Variants in STXBP6 observed in about 807,000 individuals in gnomAD.
The protein encoded by STXBP6 is syntaxin binding protein 6, also known as syntaxin-binding protein 6.
In STXBP6, 21 loss-of-function variants were observed where a neutral mutation model predicts 26.9. The ratio of observed to expected loss-of-function variants is 0.78; its 90% confidence interval spans 0.55 to 1.12. STXBP6 has a LOEUF of 1.12. Ranked by LOEUF, STXBP6 falls within the 50% of genes most tolerant of loss-of-function variation. STXBP6 has a pLI of 0.00. For synonymous variants in STXBP6, 97 were observed against 92.6 expected, an observed-to-expected ratio of 1.05 and a Z score of -0.27; for missense variants, 232 against 257.9, an observed-to-expected ratio of 0.90 and a Z score of 0.69.
In STXBP6 at chr14:24,988,472, T is replaced by C. The variant is rs575165165; in HGVS notation, c.-32-13622A>G. Among the ~76,000 whole-genome samples, 3 of 152,308 alleles carry C rather than the reference T, an allele frequency of 2.0e-5. No homozygotes were observed. In the South Asian group the frequency reaches 6.2e-4, roughly 32 times the overall value. On this transcript the variant is annotated intron_variant, in intron 1 of 5. Coordinates refer to ENST00000323944, the MANE Select transcript of STXBP6 (RefSeq NM_001394410.1). Reference sequence around the variant, plus strand: ...GAAGGGGCAAGTACAGTTTAATCTTTCAGAGGCTGGTGATCAGGAGATACT... The same window carrying C: ...GAAGGGGCAAGTACAGTTTAATCTTCCAGAGGCTGGTGATCAGGAGATACT...
intron 2 of STXBP6, among the ~76,000 whole-genome samples, chr14:24,883,701 G>A (rs961908188): frequency 6.6e-6 from 1 of 151,906 alleles, no homozygotes; most frequent in Non-Finnish European, 1.5e-5. Context: ...TGGAATCACT[G>A]GGCTGGAATT....
chr14:24,968,225 A>G (rs59957224), intron 2 of STXBP6, among the ~76,000 whole-genome samples: 15,787 of 148,776 alleles, frequency 0.11, 1,431 homozygotes, highest in African/African-American at 0.24. Context: ...TTCCTTTTTC[A>G]CTGCTAATAC....
At chr14:24,910,137 T>G (rs1454496515) in intron 2 of STXBP6, among the ~76,000 whole-genome samples, 1 of 152,146 alleles carries the variant, frequency 6.6e-6, no homozygotes, top group East Asian at 1.9e-4. Context: ...CTTCAGGACC[T>G]GTGCTTGCTC....
chr14:24,949,631 G>A (rs1350006589), intron 2 of STXBP6, among the ~76,000 whole-genome samples: 1 of 152,096 alleles, frequency 6.6e-6, no homozygotes, highest in Non-Finnish European at 1.5e-5. Context: ...CTTTAATCTG[G>A]CCAAAATCTA....
At chr14:24,966,264 A>G (rs1181727827) in intron 2 of STXBP6, among the ~76,000 whole-genome samples, 1 of 152,188 alleles carries the variant, frequency 6.6e-6, no homozygotes, top group African/African-American at 2.4e-5. Context: ...ACCACTAGAA[A>G]AGCTGAAGTC....
intron 1 of STXBP6, among the ~76,000 whole-genome samples, chr14:24,988,275 CAACA>C (rs2140272706): frequency 6.6e-6 from 1 of 152,280 alleles, no homozygotes; most frequent in South Asian, 2.1e-4. Flanking sequence ...CTTCTTCATT[CAACA>C]AACATTTAGT....
intron 4 of STXBP6, among the ~76,000 whole-genome samples, chr14:24,840,628 T>C (rs1212868241): frequency 1.3e-5 from 2 of 152,156 alleles, no homozygotes; most frequent in Admixed American, 6.5e-5. Context: ...GGTATGAGAG[T>C]TCTCTCTTGG....
rs960913980 is a variant in STXBP6 at position 24,917,454 on chromosome 14, C to A, written c.154+57211G>T. Among the ~76,000 whole-genome samples the A allele has an allele frequency of 4.6e-5, 7 of 152,030 alleles. 2 individuals carry two copies. The highest frequency in any genetic ancestry group is 3.9e-4 in the Admixed American group (6 of 15,252). On this transcript the variant is annotated intron_variant, in intron 2 of 5. Coordinates refer to ENST00000323944, the MANE Select transcript of STXBP6 (RefSeq NM_001394410.1). Reference sequence around the variant, plus strand: ...CTTTAGCAACAACCTTCCTCAAACACCAATCGCACCATAAGCACTCAAGAT... The same window carrying A: ...CTTTAGCAACAACCTTCCTCAAACAACAATCGCACCATAAGCACTCAAGAT...
At chr14:24,926,137 T>A (rs1036902500) in intron 2 of STXBP6, among the ~76,000 whole-genome samples, 8 of 152,194 alleles carry the variant, frequency 5.3e-5, no homozygotes, top group African/African-American at 1.9e-4. Flanking sequence ...TAAGCTTGTT[T>A]CTTTCTTACC....
intron 4 of STXBP6, among the ~76,000 whole-genome samples, chr14:24,821,426 C>T (rs776024479): frequency 6.6e-6 from 1 of 152,160 alleles, no homozygotes; most frequent in Non-Finnish European, 1.5e-5. Context: ...CAGGTAACAT[C>T]ACACTCAGTT....
intron 2 of STXBP6, among the ~76,000 whole-genome samples, chr14:24,900,648 T>C (rs1430010887): frequency 6.6e-6 from 1 of 152,210 alleles, no homozygotes; most frequent in Non-Finnish European, 1.5e-5. Context: ...GGCTTAGTCA[T>C]GCCCAGTTTT....
intron 4 of STXBP6, among the ~76,000 whole-genome samples, chr14:24,844,604 G>A (rs1257755954): frequency 1.3e-5 from 2 of 152,194 alleles, no homozygotes; most frequent in African/African-American, 4.8e-5. Context: ...AACCCACATA[G>A]CTGGTGTCAG....
At chr14:24,954,576 C>T (rs772752070) in intron 2 of STXBP6, among the ~76,000 whole-genome samples, 5 of 152,144 alleles carry the variant, frequency 3.3e-5, no homozygotes, top group African/African-American at 4.8e-5. Context: ...CTAAGATCTG[C>T]GTGAGAGCTG....
chr14:24,969,993 G>A (rs1377157727), intron 2 of STXBP6, among the ~76,000 whole-genome samples: 1 of 152,172 alleles, frequency 6.6e-6, no homozygotes, highest in Admixed American at 6.5e-5. Context: ...TGCAATCCCA[G>A]CACTTTGGGA....
intron 4 of STXBP6, among the ~76,000 whole-genome samples, chr14:24,854,719 A>G (rs1321902522): frequency 6.6e-6 from 1 of 152,080 alleles, no homozygotes; most frequent in Non-Finnish European, 1.5e-5. Context: ...AGCAGGAGTC[A>G]TTTTAAGAGC....
At chr14:24,906,447 G>A (rs187920568) in intron 2 of STXBP6, among the ~76,000 whole-genome samples, 136 of 152,280 alleles carry the variant, frequency 8.9e-4, no homozygotes, top group African/African-American at 3.1e-3. Context: ...TGACATTGAT[G>A]ATGATCATCT....
At chr14:24,963,970 T>TAAAAAA (rs768793147) in intron 2 of STXBP6, among the ~76,000 whole-genome samples, 2 of 64,688 alleles carry the variant, frequency 3.1e-5, no homozygotes, top group Non-Finnish European at 6.0e-5. Context: ...AGCAAGTTTC[T>TAAAAAA]AAAAAAAAAA....
At chr14:24,891,028 T>C (rs2070767534) in intron 2 of STXBP6, among the ~76,000 whole-genome samples, 1 of 152,222 alleles carries the variant, frequency 6.6e-6, no homozygotes, top group South Asian at 2.1e-4. Flanking sequence ...TTGTCTTTAC[T>C]TTTTTCCTGT....
At chr14:24,956,341 T>C (rs1437830416) in intron 2 of STXBP6, among the ~76,000 whole-genome samples, 1 of 152,202 alleles carries the variant, frequency 6.6e-6, no homozygotes, top group Admixed American at 6.5e-5. Context: ...CTCAGGGACA[T>C]GTCTGAAACA....
Sources: gnomAD v4.1 joint callset for allele counts (sites outside exome capture counted in the v4.1 genomes callset) on GRCh38, gnomAD v4.1.1 for gene constraint, MANE v1.5 for transcripts, NCBI Gene and HGNC (gene_info 2026-07-23, HGNC 2026-07-21) for gene names.